Variants in MEIS2 observed in about 807,000 individuals in gnomAD.
MEIS2 encodes the protein Meis homeobox 2, also known as homeobox protein Meis2.
A neutral mutation model predicts 58.6 loss-of-function variants in MEIS2; 9 were observed. The ratio of observed to expected loss-of-function variants is 0.15; its 90% CI spans 0.09 to 0.27. MEIS2 has a LOEUF of 0.27. Among genes scored for constraint, MEIS2 ranks in the 10% least tolerant of loss-of-function variants. MEIS2 has a pLI of 1.00. For missense variants in MEIS2, 427 were observed against 635.0 expected, an observed-to-expected ratio of 0.67 and a Z score of 3.52; for synonymous variants, 221 against 228.4, an observed-to-expected ratio of 0.97 and a Z score of 0.29.
At chr15:36,927,557 G>C (rs2057797322) in intron 9 of MEIS2, among the ~76,000 whole-genome samples, 1 of 152,136 alleles carries the variant, frequency 6.6e-6, no homozygotes, top group African/African-American at 2.4e-5. Flanking sequence ...TGTTTCAAGA[G>C]CCCTGTATGA....
Position 37,074,180 on chromosome 15 carries a change from C to T in MEIS2, c.754+9591G>A, listed in dbSNP as rs1392413706. 2.0e-5 allele frequency among the ~76,000 whole-genome samples: 3 copies of T among 151,976 alleles called. No homozygotes were observed. The East Asian group carries it at 5.8e-4, about 29-fold the overall frequency. On this transcript the variant is annotated intron_variant, in intron 7 of 11. Coordinates refer to ENST00000561208, the MANE Select transcript of MEIS2 (RefSeq NM_170675.5). ...GAGACGTTGCTCTGTGTTTTCAAAA[C>T]ACGCCTCATATTTTAGCAGATAGAA...
chr15:36,987,145 C>G (rs2060119045), intron 8 of MEIS2, among the ~76,000 whole-genome samples: 1 of 152,048 alleles, frequency 6.6e-6, no homozygotes, highest in African/African-American at 2.4e-5. Context: ...CCACGGCTCA[C>G]AGCTATAATC....
chr15:37,063,548 C>T (rs1342154627), intron 7 of MEIS2, among the ~76,000 whole-genome samples: 5 of 152,200 alleles, frequency 3.3e-5, no homozygotes, highest in South Asian at 2.1e-4. Flanking sequence ...TTATACTAAA[C>T]GTACAGCACA....
At chr15:36,975,997 A>G (rs576810282) in intron 8 of MEIS2, among the ~76,000 whole-genome samples, 3 of 152,358 alleles carry the variant, frequency 2.0e-5, no homozygotes, top group South Asian at 4.1e-4. Context: ...TTATTTGTCA[A>G]TTACAAAATA....
intron 9 of MEIS2, among the ~76,000 whole-genome samples, chr15:36,931,857 A>G (rs1385779397): frequency 6.6e-6 from 1 of 152,210 alleles, no homozygotes; most frequent in Non-Finnish European, 1.5e-5. Context: ...TCTTAAAGTT[A>G]TTACACCGTT....
At chr15:36,921,723 G>GAA (rs35471860) in intron 9 of MEIS2, among the ~76,000 whole-genome samples, 80 of 145,464 alleles carry the variant, frequency 5.5e-4, no homozygotes, top group Middle Eastern at 3.5e-3. Context: ...TGGCATTGTT[G>GAA]AAAAAAAAAA....
intron 8 of MEIS2, among the ~76,000 whole-genome samples, chr15:37,027,902 A>G (rs764360286): frequency 2.0e-5 from 3 of 152,166 alleles, no homozygotes; most frequent in East Asian, 1.9e-4. Flanking sequence ...CTACCGGAGT[A>G]GCACATTTGT....
intron 8 of MEIS2, among the ~76,000 whole-genome samples, chr15:36,976,335 T>C (rs572663284): frequency 1.5e-3 from 231 of 152,034 alleles, no homozygotes; most frequent in South Asian, 3.1e-3. Context: ...TCACCCGCCT[T>C]GGCCTCCCAA....
At chr15:36,964,273 G>A (rs1160967124) in intron 8 of MEIS2, among the ~76,000 whole-genome samples, 1 of 152,230 alleles carries the variant, frequency 6.6e-6, no homozygotes, top group Non-Finnish European at 1.5e-5. Flanking sequence ...GTTCATTGCT[G>A]TATGTCCAGC....
chr15:36,944,262 T>C (rs369990379), intron 9 of MEIS2, among the ~76,000 whole-genome samples: 1 of 152,090 alleles, frequency 6.6e-6, no homozygotes, highest in African/African-American at 2.4e-5. Flanking sequence ...ATAATGTGTG[T>C]TTTTCTTTTA....
At chr15:36,904,669 T>A (rs974264029) in intron 9 of MEIS2, among the ~76,000 whole-genome samples, 4 of 151,264 alleles carry the variant, frequency 2.6e-5, no homozygotes, top group Admixed American at 6.6e-5. Context: ...AGCAAACAGA[T>A]CCATCAAAAA....
chr15:37,022,692 T>A (rs1567193208), intron 8 of MEIS2, among the ~76,000 whole-genome samples: 2 of 152,182 alleles, frequency 1.3e-5, no homozygotes, highest in Admixed American at 6.5e-5. Context: ...CAGGTTGGAG[T>A]GCAGTGGCGC....
At position 37,036,802 on chromosome 15, in the gene MEIS2, A is replaced by G. The variant is rs1482666885; in HGVS notation, c.900+12T>C. ...AAAAACTATTTTTTTTTTCTCTTTCATCTTGACTTACTGTGAGATGCTGGA... is the reference window on the plus strand; with the variant it reads ...AAAAACTATTTTTTTTTTCTCTTTCGTCTTGACTTACTGTGAGATGCTGGA... On this transcript the variant is annotated intron_variant, in intron 8 of 11. Coordinates refer to ENST00000561208, the MANE Select transcript of MEIS2 (RefSeq NM_170675.5). 1.9e-6 allele frequency: 3 copies of G among 1,603,960 alleles called. No homozygotes were observed. Among genetic ancestry groups the G allele is most frequent in the Middle Eastern group, 1.7e-4 (1 of 5,986 alleles).
intron 9 of MEIS2, among the ~76,000 whole-genome samples, chr15:36,902,203 A>C (rs926302534): frequency 4.6e-5 from 7 of 152,224 alleles, no homozygotes; most frequent in Non-Finnish European, 8.8e-5. Context: ...GCTCCTAAAT[A>C]GCTCTGTTCT....
At chr15:36,898,153 A>G (rs565895000) in intron 9 of MEIS2, 1 of 152,398 alleles carries the variant, frequency 6.6e-6, no homozygotes, top group Admixed American at 6.5e-5. Flanking sequence ...GTGAAAACAA[A>G]AGGAGAGTTG....
intron 8 of MEIS2, among the ~76,000 whole-genome samples, chr15:37,027,434 T>C (rs1035576736): frequency 6.6e-6 from 1 of 152,216 alleles, no homozygotes; most frequent in Non-Finnish European, 1.5e-5. Flanking sequence ...ACTTGCAAAC[T>C]GTGGTCATGT....
chr15:36,919,974 T>C (rs1360471654), intron 9 of MEIS2, among the ~76,000 whole-genome samples: 3 of 152,280 alleles, frequency 2.0e-5, no homozygotes, highest in East Asian at 3.9e-4. Flanking sequence ...CATACCCTTC[T>C]AGTTATTGTT....
intron 8 of MEIS2, 32 bp downstream of exon 8, chr15:37,036,782 C>CT: frequency 6.3e-7 from 1 of 1,598,534 alleles, no homozygotes; most frequent in South Asian, 1.1e-5. Context: ...ACAACAAAAA[C>CT]TATTTTTTTT....
At chr15:36,899,786 TAA>T (rs1393440226) in intron 9 of MEIS2, among the ~76,000 whole-genome samples, 1 of 152,198 alleles carries the variant, frequency 6.6e-6, no homozygotes, top group African/African-American at 2.4e-5. Flanking sequence ...ATGGGCCTTA[TAA>T]AATAACATTT....
Sources: gnomAD v4.1 joint callset for allele counts (sites outside exome capture counted in the v4.1 genomes callset) on GRCh38, gnomAD v4.1.1 for gene constraint, MANE v1.5 for transcripts, NCBI Gene and HGNC (gene_info 2026-07-23, HGNC 2026-07-21) for gene names.